MID1: variants seen among roughly 807,000 people sequenced by gnomAD.
MID1 encodes midline 1, also known as E3 ubiquitin-protein ligase Midline-1.
MID1 carries 7 observed loss-of-function variants against 40.4 expected under a neutral mutation model. The observed-to-expected ratio is 0.17, with a 90% confidence interval of 0.10 to 0.33. MID1 has a LOEUF of 0.33. Among genes scored for constraint, MID1 ranks in the 10% least tolerant of loss-of-function variants. MID1 has a pLI of 1.00. For synonymous variants in MID1, 229 were observed against 221.2 expected (o/e 1.04, Z -0.31); for missense variants, 367 against 558.5 (o/e 0.66, Z 3.46).
chrX:10,474,871 T>A (rs1240082058), intron 5 of MID1, 121 bp from the exon 6 acceptor site: 2 of 656,571 alleles, frequency 3.0e-6, no homozygotes, highest in Admixed American at 2.4e-5. Context: ...ACACATGAGT[T>A]TTAAGAGGCA....
chrX:10,758,702 A>G (rs2043653332), intron 1 of MID1, among the ~76,000 whole-genome samples: 1 of 108,377 alleles, frequency 9.2e-6, no homozygotes, highest in Admixed American at 9.9e-5. Context: ...CAGTAGAGAG[A>G]TGGTCTCGAT....
intron 9 of MID1, among the ~76,000 whole-genome samples, chrX:10,451,524 G>A (rs1041022666): frequency 6.3e-5 from 7 of 111,179 alleles, no homozygotes; most frequent in African/African-American, 2.0e-4. Context: ...GGCATGCATC[G>A]AGGGTCTCAA....
chrX:10,564,460 C>T (rs904335360), intron 2 of MID1, among the ~76,000 whole-genome samples: 6 of 112,014 alleles, frequency 5.4e-5, no homozygotes, highest in Admixed American at 9.5e-5. Context: ...TTCAAATGCT[C>T]ATAAGTACAT....
intron 1 of MID1, among the ~76,000 whole-genome samples, chrX:10,804,959 T>G (rs180832288): frequency 9.0e-6 from 1 of 111,400 alleles, no homozygotes; most frequent in Admixed American, 9.6e-5. Flanking sequence ...TTTTCTAATC[T>G]TCACCATGAG....
intron 1 of MID1, among the ~76,000 whole-genome samples, chrX:10,635,483 A>G (rs1602485981): frequency 8.9e-6 from 1 of 112,240 alleles, no homozygotes; most frequent in Non-Finnish European, 1.9e-5. Flanking sequence ...AATTAATAAA[A>G]TAAGTATTCA....
rs1416908873 is a variant in MID1, at chrX:10,625,983, T to C, written c.-186-5564A>G. On this transcript the variant is annotated intron_variant, in intron 1 of 10. Coordinates refer to the MID1 transcript ENST00000380785. ...TTGTAGCAGGAGGATGGAGGAGTCC[T>C]GGAGTTAGGACTCTGGGGGAAAAAT... 2.7e-5 allele frequency among the ~76,000 whole-genome samples: 3 copies of C among 111,556 alleles called. No homozygotes were observed. The Admixed American group carries it at 2.9e-4, about 11-fold the overall frequency.
At chrX:10,702,852 C>T (rs1369996344) in intron 1 of MID1, among the ~76,000 whole-genome samples, 1 of 112,047 alleles carries the variant, frequency 8.9e-6, no homozygotes. Context: ...AAGGGTGAGG[C>T]TCTGATCCAG....
intron 1 of MID1, among the ~76,000 whole-genome samples, chrX:10,785,940 T>C (rs1466049824): frequency 4.5e-5 from 5 of 111,582 alleles, no homozygotes; most frequent in African/African-American, 1.6e-4. Flanking sequence ...CCAAAAGCAA[T>C]GGCAACAAAA....
intron 1 of MID1, among the ~76,000 whole-genome samples, chrX:10,642,557 A>C (rs1185674348): frequency 9.0e-6 from 1 of 110,727 alleles, no homozygotes; most frequent in Non-Finnish European, 1.9e-5. Flanking sequence ...ATGGATAGGA[A>C]GAATCAATAT....
At chrX:10,647,840 C>G (rs1042325400) in intron 1 of MID1, among the ~76,000 whole-genome samples, 1 of 111,855 alleles carries the variant, frequency 8.9e-6, no homozygotes, top group African/African-American at 3.2e-5. Context: ...CACAAATTAC[C>G]CAGAATAAGA....
At chrX:10,492,574 G>A (rs1421121647) in intron 4 of MID1, among the ~76,000 whole-genome samples, 1 of 112,143 alleles carries the variant, frequency 8.9e-6, no homozygotes. Flanking sequence ...ACTGAAGCAT[G>A]AAGCCTTCTA....
At chrX:10,619,131 C>A (rs892138693) in intron 1 of MID1, among the ~76,000 whole-genome samples, 9 of 111,844 alleles carry the variant, frequency 8.0e-5, no homozygotes, top group African/African-American at 2.9e-4. Flanking sequence ...AGCGAGGGGG[C>A]AAGAAGGCGG....
chrX:10,794,787 A>G (rs2043957115), intron 1 of MID1, among the ~76,000 whole-genome samples: 1 of 112,357 alleles, frequency 8.9e-6, no homozygotes, highest in African/African-American at 3.2e-5. Flanking sequence ...AAGAAAGGAC[A>G]TGACTGCATT....
chrX:10,686,737 C>A (rs1025690247), intron 1 of MID1, among the ~76,000 whole-genome samples: 1 of 112,304 alleles, frequency 8.9e-6, no homozygotes, highest in Non-Finnish European at 1.9e-5. Flanking sequence ...ACAAAGCAGC[C>A]AAACTGCAAT....
intron 1 of MID1, among the ~76,000 whole-genome samples, chrX:10,614,263 C>A (rs1471625006): frequency 8.9e-6 from 1 of 112,018 alleles, no homozygotes. Context: ...CCCAAACCCA[C>A]AAACGCCATA....
At chrX:10,595,317 C>T (rs1279252745) in intron 1 of MID1, among the ~76,000 whole-genome samples, 1 of 111,273 alleles carries the variant, frequency 9.0e-6, no homozygotes, top group Non-Finnish European at 1.9e-5. Context: ...CATCTACAGA[C>T]AAAAGGATAA....
chrX:10,695,282 G>A (rs1002545810), intron 1 of MID1, among the ~76,000 whole-genome samples: 2 of 111,092 alleles, frequency 1.8e-5, no homozygotes, highest in Non-Finnish European at 3.8e-5. Context: ...ACACCACCAT[G>A]CCCAGTGAAT....
chrX:10,672,760 T>C (rs1391562246), intron 1 of MID1, among the ~76,000 whole-genome samples: 1 of 111,318 alleles, frequency 9.0e-6, no homozygotes, highest in Non-Finnish European at 1.9e-5. Flanking sequence ...TTATAGCTCA[T>C]TGCAGCCTCA....
intron 1 of MID1, among the ~76,000 whole-genome samples, chrX:10,734,136 T>C (rs2043471489): frequency 8.9e-6 from 1 of 112,197 alleles, no homozygotes; most frequent in South Asian, 3.7e-4. Context: ...TGGAATTATT[T>C]TAAATCCCCA....
Sources: allele counts gnomAD v4.1 joint callset (sites outside exome capture counted in the v4.1 genomes callset), GRCh38; gene constraint gnomAD v4.1.1; transcripts MANE v1.5; gene names NCBI Gene and HGNC (gene_info 2026-07-23, HGNC 2026-07-21).